GAPDH: variants seen among roughly 807,000 people sequenced by gnomAD.
GAPDH encodes the protein OCAS, p38 component.
In GAPDH, 13 loss-of-function variants were observed where a neutral mutation model predicts 31.2. That is an observed-to-expected ratio of 0.42 (90% CI 0.27 to 0.66). The LOEUF (loss-of-function observed/expected upper bound fraction) is 0.66. Ranked by LOEUF, GAPDH falls within the 30% of genes least tolerant of loss-of-function variation. GAPDH has a pLI of 0.26. For missense variants in GAPDH, 300 were observed against 443.7 expected (o/e 0.68, Z 2.91); for synonymous variants, 211 against 166.9 (o/e 1.26, Z -2.04).
At position 6,538,175 on chromosome 12, in the gene GAPDH, C is replaced by T. The variant is rs763801346; in HGVS notation, c.*5C>T. 1 of 1,605,120 alleles carries T rather than the reference C, an allele frequency of 6.2e-7. No homozygotes were observed. The highest frequency in any genetic ancestry group is 8.5e-7 in the Non-Finnish European group (1 of 1,178,758). ...CACATGGCCTCCAAGGAGTAAGACC[C>T]CTGGACCACCAGCCCCAGCAAGAGC... On this transcript the variant is annotated 3_prime_UTR_variant, in exon 9 of 9. Transcript: ENST00000229239.
intron 2 of GAPDH, chr12:6,535,388 C>T (rs1043035673): frequency 3.0e-6 from 3 of 988,534 alleles, no homozygotes; most frequent in African/African-American, 3.5e-5. Context: ...GGTGGAGTCG[C>T]GTGTGGCGGG....
At position 6,537,342 on chromosome 12, in the gene GAPDH, C is replaced by A; in HGVS notation, c.477C>A (p.Pro159=). 1 of 1,610,180 alleles carries A rather than the reference C, an allele frequency of 6.2e-7. No homozygotes were observed. ...NASCTTNCLA[P]LAKVIHDNFG... is the part of the protein sequence containing the mutation. ...CCTGCACCACCAACTGCTTAGCACC[C>A]CTGGCCAAGGTCATCCATGACAACT... Residue 159 remains proline (P), a synonymous_variant, in exon 7 of 9, where the codon CCC becomes CCA. Coordinates refer to ENST00000229239, the MANE Select transcript of GAPDH (RefSeq NM_002046.7). The surrounding 1 kb of genome is among the most constrained non-coding windows in gnomAD (Gnocchi z 4.9).
Position 6,537,255 on chromosome 12 carries a change from GCACCCTATGGA to G in GAPDH, c.443+43_444-40del. 1 of 1,595,978 alleles carries G rather than the reference GCACCCTATGGA, an allele frequency of 6.3e-7. No individual in the cohort carries two copies. Among genetic ancestry groups the G allele is most frequent in the South Asian group, 1.2e-5 (1 of 86,704 alleles). ...GGCCCGTGGAGAAGCGGCCAGCCTG[GCACCCTATGGA>G]CACGCTCCCCTGACTTGCGCCCCGC... On this transcript the variant is annotated intron_variant, in intron 6 of 8. Transcript: ENST00000229239. This position sits in a 1 kb window ranked among gnomAD's most constrained non-coding sequence, Gnocchi z 4.9.
At chr12:6,534,616 G>A in intron 1 of GAPDH, 47 bp downstream of exon 1, 1 of 590,110 alleles carries the variant, frequency 1.7e-6, no homozygotes, top group Non-Finnish European at 3.0e-6. Flanking sequence ...ACGGCCTGAA[G>A]GCGGCAGGGG....
In GAPDH at chr12:6,537,579, T is replaced by A; in HGVS notation, c.526-5T>A. The A allele has an allele frequency of 6.2e-7, 1 of 1,609,938 alleles. No homozygotes were observed. Among genetic ancestry groups the A allele is most frequent in the Admixed American group, 1.7e-5 (1 of 59,908 alleles). On this transcript the variant is annotated splice_region_variant and splice_polypyrimidine_tract_variant and intron_variant, in intron 7 of 8. Transcript: ENST00000229239. This position sits in a 1 kb window ranked among gnomAD's most constrained non-coding sequence, Gnocchi z 4.9. The stretch of plus-strand genomic sequence containing the variant: ...GTACGCTGCAGGGCCTCACTCCTTT[T>A]GCAGACCACAGTCCATGCCATCACT...
Position 6,536,474 on chromosome 12 carries a change from T to G in GAPDH, c.30-20T>G, listed in dbSNP as rs767155942. ...GGAGGAGCCTCCCCTCCTCATGCCT[T>G]CTTGCCTCTTGTCTCTTAGATTTGG... On this transcript the variant is annotated intron_variant, in intron 2 of 8. Coordinates refer to ENST00000229239, the MANE Select transcript of GAPDH (RefSeq NM_002046.7). 8 of 1,592,012 alleles carry G rather than the reference T, an allele frequency of 5.0e-6. No individual in the cohort carries two copies. The highest frequency in any genetic ancestry group is 1.7e-5 in the Admixed American group (1 of 59,962).
chr12:6,535,905 AC>A (rs1281293950), intron 2 of GAPDH, among the ~76,000 whole-genome samples: 1 of 148,862 alleles, frequency 6.7e-6, no homozygotes, highest in Non-Finnish European at 1.5e-5. Flanking sequence ...CTGTGCTCCC[AC>A]TCCTGATTTC....
At chr12:6,535,465 C>A in intron 2 of GAPDH, 1 of 986,522 alleles carries the variant, frequency 1.0e-6, no homozygotes, top group African/African-American at 1.7e-5. Flanking sequence ...CTAGATTATT[C>A]TCTGGTAAAT....
rs763015743 is a variant in GAPDH, at chr12:6,537,970, C to T, written c.912C>T (p.Asn304=). The T allele has an allele frequency of 1.9e-5, 31 of 1,613,688 alleles. No individual in the cohort carries two copies. The Middle Eastern group carries it at 5.0e-4, about 26-fold the overall frequency. ...ACGCTGGGGCTGGCATTGCCCTCAACGACCACTTTGTCAAGCTCATTTCCT... is the reference window on the plus strand; with the variant it reads ...ACGCTGGGGCTGGCATTGCCCTCAATGACCACTTTGTCAAGCTCATTTCCT... The part of the protein sequence containing the change: ...TFDAGAGIAL[N]DHFVKLISWY... Residue 304 remains asparagine (N), a synonymous_variant, in exon 8 of 9, where the codon AAC becomes AAT. Transcript: ENST00000229239. This position sits in a 1 kb window ranked among gnomAD's most constrained non-coding sequence, Gnocchi z 4.9.
rs377115117 is a variant in GAPDH, at chr12:6,537,414, T to G, written c.525+24T>G. 1 of 1,600,910 alleles carries G rather than the reference T, an allele frequency of 6.2e-7. No individual in the cohort carries two copies. The highest frequency in any genetic ancestry group is 8.5e-7 in the Non-Finnish European group (1 of 1,171,458). ...TGGTATGAGAGCTGGGGAATGGGAC[T>G]GAGGCTCCCACCTTTCTCATCCAAG... is the stretch of plus-strand genomic sequence containing the variant. On this transcript the variant is annotated intron_variant, in intron 7 of 8. Coordinates refer to ENST00000229239, the MANE Select transcript of GAPDH (RefSeq NM_002046.7). This position sits in a 1 kb window ranked among gnomAD's most constrained non-coding sequence, Gnocchi z 4.9.
chr12:6,537,785 G>T lies in GAPDH; in HGVS notation c.727G>T (p.Val243Leu), dbSNP rs757981202. The T allele has an allele frequency of 9.3e-6, 15 of 1,611,730 alleles. No homozygotes were observed. The Admixed American group carries it at 2.5e-4, about 27-fold the overall frequency. The change falls in exon 8 of 9, where the codon GTG (valine) becomes TTG (leucine). Residue 243 changes from valine (V) to leucine (L), a missense_variant. Coordinates refer to ENST00000229239, the MANE Select transcript of GAPDH (RefSeq NM_002046.7). The surrounding 1 kb of genome is among the most constrained non-coding windows in gnomAD (Gnocchi z 4.9). ...FRVPTANVSV[V>L]DLTCRLEKPA... ...TGTCCCCACTGCCAACGTGTCAGTG[G>T]TGGACCTGACCTGCCGTCTAGAAAA... is the stretch of plus-strand genomic sequence containing the variant.
chr12:6,535,638 G>A (rs996742795), intron 2 of GAPDH, among the ~76,000 whole-genome samples: 1 of 152,028 alleles, frequency 6.6e-6, no homozygotes, highest in African/African-American at 2.4e-5. Flanking sequence ...CTGCAGCGCC[G>A]GCTCACCTCA....
At position 6,537,295 on chromosome 12, in the gene GAPDH, C is replaced by G. The variant is rs779153011; in HGVS notation, c.444-14C>G. On this transcript the variant is annotated splice_polypyrimidine_tract_variant and intron_variant, in intron 6 of 8. Coordinates refer to ENST00000229239, the MANE Select transcript of GAPDH (RefSeq NM_002046.7). The surrounding 1 kb of genome is among the most constrained non-coding windows in gnomAD (Gnocchi z 4.9). ...GCTCCCCTGACTTGCGCCCCGCTCC[C>G]TCTTTCTTTGCAGCAATGCCTCCTG... The G allele has an allele frequency of 1.2e-6, 2 of 1,601,200 alleles. No homozygotes were observed. The highest frequency in any genetic ancestry group is 8.5e-7 in the Non-Finnish European group (1 of 1,179,224).
In GAPDH at chr12:6,538,188, C is replaced by T. The variant is rs1179846161; in HGVS notation, c.*18C>T. The T allele has an allele frequency of 6.3e-7, 1 of 1,597,102 alleles. No homozygotes were observed. The highest frequency in any genetic ancestry group is 8.5e-7 in the Non-Finnish European group (1 of 1,173,648). The stretch of plus-strand genomic sequence containing the variant: ...AGGAGTAAGACCCCTGGACCACCAG[C>T]CCCAGCAAGAGCACAAGAGGAAGAG... On this transcript the variant is annotated 3_prime_UTR_variant, in exon 9 of 9. Coordinates refer to ENST00000229239, the MANE Select transcript of GAPDH (RefSeq NM_002046.7).
intron 2 of GAPDH, 185 bp downstream of exon 2, chr12:6,535,046 C>A: frequency 1.2e-6 from 1 of 808,328 alleles, no homozygotes; most frequent in Non-Finnish European, 1.9e-6. Flanking sequence ...CCCTGTGCAG[C>A]TCCGCCCTTG....
Position 6,538,092 on chromosome 12 carries a change from ATCT to A in GAPDH, c.939-5_939-3del, listed in dbSNP as rs751501831. On this transcript the variant is annotated splice_region_variant and splice_polypyrimidine_tract_variant and intron_variant, in intron 8 of 8. Coordinates refer to ENST00000229239, the MANE Select transcript of GAPDH (RefSeq NM_002046.7). Reference sequence around the variant, plus strand: ...AAAAAGGGCCCTGACAACTCTTTTCATCTTCTAGGTATGACAACGAATTTGGCT... The same window carrying A: ...AAAAAGGGCCCTGACAACTCTTTTCATCTAGGTATGACAACGAATTTGGCT... 86 of 1,596,688 alleles carry A rather than the reference ATCT, an allele frequency of 5.4e-5. No homozygotes were observed. Among genetic ancestry groups the A allele is most frequent in the African/African-American group, 4.5e-4 (34 of 74,832 alleles).
At position 6,534,532 on chromosome 12, in the gene GAPDH, T is replaced by A. The variant is rs1195624433; in HGVS notation, c.-61T>A. Reference sequence around the variant, plus strand: ...CTCCCGCTTCGCTCTCTGCTCCTCCTGTTCGACAGTCAGCCGCATCTTCTT... The same window carrying A: ...CTCCCGCTTCGCTCTCTGCTCCTCCAGTTCGACAGTCAGCCGCATCTTCTT... On this transcript the variant is annotated 5_prime_UTR_variant, in exon 1 of 9. Coordinates refer to ENST00000229239, the MANE Select transcript of GAPDH (RefSeq NM_002046.7). 2 of 478,346 alleles carry A rather than the reference T, an allele frequency of 4.2e-6. No individual in the cohort carries two copies. The highest frequency in any genetic ancestry group is 7.6e-6 in the Non-Finnish European group (2 of 264,000). The allele number at this position is 478,346 out of a possible 1,614,324, so 29.6% of individuals were successfully genotyped here.
intron 2 of GAPDH, chr12:6,535,578 G>A: frequency 4.5e-6 from 2 of 447,184 alleles, no homozygotes; most frequent in South Asian, 1.9e-4. Context: ...ATGGGTAGTT[G>A]GAAAAGGACA....
Position 6,534,579 on chromosome 12 carries a change from G to T in GAPDH, c.-24+10G>T. 1.8e-6 allele frequency: 1 copy of T among 550,440 alleles called. No individual in the cohort carries two copies. Among genetic ancestry groups the T allele is most frequent in the South Asian group, 2.1e-5 (1 of 47,880 alleles). 34.1% of individuals were successfully genotyped at this position (550,440 alleles called of 1,614,324 possible). On this transcript the variant is annotated intron_variant, in intron 1 of 8. Transcript: ENST00000229239. The stretch of plus-strand genomic sequence containing the variant: ...TCTTTTGCGTCGCCAGGTGAAGACG[G>T]GCGGAGAGAAACCCGGGAGGCTAGG...
Sources: gnomAD v4.1 joint callset for allele counts (sites outside exome capture counted in the v4.1 genomes callset) on GRCh38, gnomAD v4.1.1 for gene constraint, Gnocchi (gnomAD v3.1) non-coding constraint, MANE v1.5 for transcripts, NCBI Gene and HGNC (gene_info 2026-07-23, HGNC 2026-07-21) for gene names.